SHC2: variants seen among roughly 807,000 people sequenced by gnomAD.
SHC2 encodes SHC-transforming protein 2.
Under a neutral mutation model 60.6 loss-of-function variants are expected in SHC2, and 62 were observed. The observed-to-expected ratio is 1.02, with a 90% confidence interval of 0.83 to 1.26. The LOEUF (loss-of-function observed/expected upper bound fraction) is 1.26. SHC2 is among the 50% of genes most tolerant of loss of function. SHC2 has a pLI of 0.00. For synonymous variants in SHC2, 375 were observed against 372.4 expected, an observed-to-expected ratio of 1.01 and a Z score of -0.08; for missense variants, 873 against 822.2, an observed-to-expected ratio of 1.06 and a Z score of -0.76.
chr19:427,719 C>G (rs1487748861), intron 9 of SHC2, among the ~76,000 whole-genome samples: 3 of 70,184 alleles, frequency 4.3e-5, no homozygotes, highest in Non-Finnish European at 7.6e-5. Flanking sequence ...GAATTGCGCA[C>G]GGCACAGGGA....
At position 438,735 on chromosome 19, in the gene SHC2, CGGA is replaced by C; in HGVS notation, c.700_702del (p.Ser234del). 1 of 1,563,808 alleles carries C rather than the reference CGGA, an allele frequency of 6.4e-7. No individual in the cohort carries two copies. The highest frequency in any genetic ancestry group is 8.7e-7 in the Non-Finnish European group (1 of 1,155,362). On this transcript the variant is annotated inframe_deletion, in exon 4 of 13. Coordinates refer to ENST00000264554, the MANE Select transcript of SHC2 (RefSeq NM_012435.3). The surrounding 1 kb of genome is among the most constrained non-coding windows in gnomAD (Gnocchi z 5.0). The stretch of plus-strand genomic sequence containing the variant: ...AGACCCACCTGGCGCGTGGCAGGCA[CGGA>C]GAGGCTGAGGCCATCAGTGGAGATG...
intron 11 of SHC2, among the ~76,000 whole-genome samples, chr19:421,541 C>A (rs1354056309): frequency 6.6e-6 from 1 of 152,014 alleles, no homozygotes; most frequent in African/African-American, 2.4e-5. Flanking sequence ...CTTTGTACAC[C>A]CTCAAATAAA....
intron 8 of SHC2, among the ~76,000 whole-genome samples, chr19:434,235 A>G (rs1974648149): frequency 8.7e-6 from 1 of 114,784 alleles, no homozygotes; most frequent in Admixed American, 9.0e-5. Context: ...TGAGTGAGTG[A>G]GATCCTGAGT....
chr19:458,875 G>A (rs1975463551), intron 1 of SHC2, among the ~76,000 whole-genome samples: 1 of 152,014 alleles, frequency 6.6e-6, no homozygotes, highest in Admixed American at 6.6e-5. Context: ...GGAGGCAGAA[G>A]CCGGTTGTAC....
rs766676985 is a variant in SHC2 at position 438,989 on chromosome 19, C to T, written c.581G>A (p.Arg194Gln). The T allele has an allele frequency of 1.6e-5, 26 of 1,601,194 alleles. No homozygotes were observed. The highest frequency in any genetic ancestry group is 3.4e-5 in the Admixed American group (2 of 58,684). ...NRLHEAVPGV[R>Q]GSWKKKAPNK... ...ACTCACCTTTTTCTTCCAGGATCCC[C>T]GGACGCCAGGCACGGCCTCATGGAG... The change falls in exon 3 of 13, where the codon CGG (arginine) becomes CAG (glutamine). Residue 194 changes from arginine to glutamine, a missense_variant. Coordinates refer to ENST00000264554, the MANE Select transcript of SHC2 (RefSeq NM_012435.3). This position sits in a 1 kb window ranked among gnomAD's most constrained non-coding sequence, Gnocchi z 5.0.
At chr19:420,133 C>T (rs189031593) in intron 11 of SHC2, among the ~76,000 whole-genome samples, 4 of 152,262 alleles carry the variant, frequency 2.6e-5, no homozygotes, top group African/African-American at 7.2e-5. Context: ...CTGACCCCAG[C>T]GATCCATTTA....
At chr19:436,525 A>T in intron 5 of SHC2, 94 bp from the exon 6 acceptor site, 3 of 1,582,664 alleles carry the variant, frequency 1.9e-6, no homozygotes, top group Non-Finnish European at 2.6e-6. Flanking sequence ...GGGGCAGTGG[A>T]TGTGGGCACA....
intron 1 of SHC2, among the ~76,000 whole-genome samples, chr19:448,839 T>A (rs1185006058): frequency 2.0e-5 from 3 of 151,898 alleles, no homozygotes; most frequent in Non-Finnish European, 2.9e-5. Context: ...ACGGAACAAC[T>A]GTGAGGCTAA....
chr19:438,568 A>C lies in SHC2; in HGVS notation c.720+150T>G. 2 of 935,198 alleles carry C rather than the reference A, an allele frequency of 2.1e-6. No individual in the cohort carries two copies. Among genetic ancestry groups the C allele is most frequent in the Non-Finnish European group, 3.1e-6 (2 of 640,476 alleles). 57.9% of individuals were successfully genotyped at this position (935,198 alleles called of 1,614,324 possible). ...TGAGCCCCGTGAGGGCAGTGGCTGCACCCCCAGCTCCTGCTCAGCGGGGCC... is the reference window on the plus strand; with the variant it reads ...TGAGCCCCGTGAGGGCAGTGGCTGCCCCCCCAGCTCCTGCTCAGCGGGGCC... On this transcript the variant is annotated intron_variant, in intron 4 of 12. Coordinates refer to ENST00000264554, the MANE Select transcript of SHC2 (RefSeq NM_012435.3). This position sits in a 1 kb window ranked among gnomAD's most constrained non-coding sequence, Gnocchi z 5.0.
chr19:422,519 A>C lies in SHC2; in HGVS notation c.1310-63T>G. The C allele has an allele frequency of 2.9e-6, 4 of 1,381,094 alleles. No individual in the cohort carries two copies. Among genetic ancestry groups the C allele is most frequent in the Non-Finnish European group, 3.9e-6 (4 of 1,034,904 alleles). The allele number at this position is 1,381,094 out of a possible 1,614,324, so 85.6% of individuals were successfully genotyped here. On this transcript the variant is annotated intron_variant, in intron 10 of 12. Coordinates refer to ENST00000264554, the MANE Select transcript of SHC2 (RefSeq NM_012435.3). The surrounding 1 kb of genome is among the most constrained non-coding windows in gnomAD (Gnocchi z 5.0). ...GCAAGCAGCTACTCCTGCCGGGACC[A>C]GAGCTGGGAGAAACGGGTTCCCCGG...
At chr19:420,197 G>A (rs1974235160) in intron 11 of SHC2, among the ~76,000 whole-genome samples, 1 of 152,240 alleles carries the variant, frequency 6.6e-6, no homozygotes, top group Non-Finnish European at 1.5e-5. Context: ...CAGGCTAGAG[G>A]CTAGGCAGTG....
At chr19:451,113 G>T (rs1975179400) in intron 1 of SHC2, among the ~76,000 whole-genome samples, 1 of 145,926 alleles carries the variant, frequency 6.9e-6, no homozygotes, top group South Asian at 2.2e-4. Flanking sequence ...CCATACCATA[G>T]CCACATCATA....
chr19:436,412 G>A lies in SHC2; in HGVS notation c.794C>T (p.Ala265Val). ...GGDTDMTDYV[A>V]YVAKDPINQR... ...GTTGATGGGGTCCTTGGCGACGTAG[G>A]CCACGTAATCCGTCATGTCCTGGGG... is the stretch of plus-strand genomic sequence containing the variant. The change falls in exon 6 of 13, where the codon GCC becomes GTC. Residue 265 changes from alanine (A) to valine (V), a missense_variant. By Grantham distance (64) the Ala-to-Val change is moderately conservative. Coordinates refer to ENST00000264554, the MANE Select transcript of SHC2 (RefSeq NM_012435.3). 6.3e-7 allele frequency: 1 copy of A among 1,596,654 alleles called. No individual in the cohort carries two copies. The highest frequency in any genetic ancestry group is 1.1e-5 in the South Asian group (1 of 90,452).
rs947412209 is a variant in SHC2, at chr19:438,364, C to T, written c.720+354G>A. The stretch of plus-strand genomic sequence containing the variant: ...TTTGTTGTTTGTTTCCACTTGAGGA[C>T]TGATAGCCAGGGTTTATCCCCGCCC... On this transcript the variant is annotated intron_variant, in intron 4 of 12. Coordinates refer to ENST00000264554, the MANE Select transcript of SHC2 (RefSeq NM_012435.3). This position sits in a 1 kb window ranked among gnomAD's most constrained non-coding sequence, Gnocchi z 5.0. Among the ~76,000 whole-genome samples, 1 of 152,232 alleles carries T rather than the reference C, an allele frequency of 6.6e-6. No homozygotes were observed. The highest frequency in any genetic ancestry group is 1.5e-5 in the Non-Finnish European group (1 of 68,038).
intron 1 of SHC2, among the ~76,000 whole-genome samples, chr19:456,440 C>T (rs60426203): frequency 0.16 from 23,696 of 152,096 alleles, 2,891 homozygotes; most frequent in African/African-American, 0.32. Context: ...CCTGGGCCAC[C>T]GCCGTCCCTC....
At chr19:439,101 T>C in intron 2 of SHC2, 71 bp from the exon 3 acceptor site, 1 of 305,602 alleles carries the variant, frequency 3.3e-6, no homozygotes. Context: ...GAGGAAGGGG[T>C]CAGAGAGGGC....
intron 9 of SHC2, among the ~76,000 whole-genome samples, chr19:427,078 A>T (rs1316943993): frequency 6.6e-6 from 1 of 152,238 alleles, no homozygotes; most frequent in Non-Finnish European, 1.5e-5. Context: ...AACGTGCGCC[A>T]GGACCAGAGC....
intron 7 of SHC2, chr19:435,814 C>T: frequency 3.8e-6 from 1 of 261,312 alleles, no homozygotes; most frequent in South Asian, 7.7e-5. Flanking sequence ...ACGTCCCCCC[C>T]TTTACACATG....
chr19:422,548 G>A lies in SHC2; in HGVS notation c.1310-92C>T, dbSNP rs577981080. 3.9e-3 allele frequency: 4,213 copies of A among 1,082,996 alleles called. 17 individuals are homozygous for A. Among genetic ancestry groups the A allele is most frequent in the Non-Finnish European group, 3.8e-3 (2,895 of 768,290 alleles). The allele number at this position is 1,082,996 out of a possible 1,614,324, so 67.1% of individuals were successfully genotyped here. A position where few individuals can be genotyped will look rare whatever the true frequency, so the allele number is the denominator to read the frequency against. On this transcript the variant is annotated intron_variant, in intron 10 of 12. Transcript: ENST00000264554. This position sits in a 1 kb window ranked among gnomAD's most constrained non-coding sequence, Gnocchi z 5.0. The stretch of plus-strand genomic sequence containing the variant: ...CTGGGAGAAACGGGTTCCCCGGGGA[G>A]TCCCTCGTGCACCCGTCGGCCTGCG...
Sources: gnomAD v4.1 joint callset for allele counts (sites outside exome capture counted in the v4.1 genomes callset) on GRCh38, gnomAD v4.1.1 for gene constraint, Gnocchi (gnomAD v3.1) non-coding constraint, MANE v1.5 for transcripts, NCBI Gene and HGNC (gene_info 2026-07-23, HGNC 2026-07-21) for gene names.